Variants in FAM20B observed in about 807,000 individuals in gnomAD.
FAM20B encodes the protein FAM20B glycosaminoglycan xylosylkinase, also known as glycosaminoglycan xylosylkinase.
In FAM20B, 23 loss-of-function variants were observed where a neutral mutation model predicts 43.8. That is an observed-to-expected ratio of 0.53 (90% CI 0.38 to 0.74). The LOEUF (loss-of-function observed/expected upper bound fraction) is 0.74, where lower values mean the gene tolerates loss of function less well. Ranked by LOEUF, FAM20B falls within the 30% of genes least tolerant of loss-of-function variation. The pLI, the probability that FAM20B is intolerant of heterozygous loss-of-function variation, is 0.00. For synonymous variants in FAM20B, 178 were observed against 192.4 expected, an observed-to-expected ratio of 0.93 and a Z score of 0.62; for missense variants, 440 against 510.5, an observed-to-expected ratio of 0.86 and a Z score of 1.33.
At chr1:179,067,889 G>A (rs754000342) in intron 7 of FAM20B, among the ~76,000 whole-genome samples, 18 of 151,810 alleles carry the variant, frequency 1.2e-4, no homozygotes, top group Non-Finnish European at 2.5e-4. Context: ...TCAGCCTCCC[G>A]AGTAGCTGGG....
intron 4 of FAM20B, among the ~76,000 whole-genome samples, chr1:179,057,696 C>T (rs558629755): frequency 1.3e-5 from 2 of 152,240 alleles, no homozygotes; most frequent in South Asian, 4.1e-4. Flanking sequence ...TTATTCAGTA[C>T]GACTTTATTT....
chr1:179,065,158 T>C (rs1218160537), intron 6 of FAM20B, among the ~76,000 whole-genome samples: 2 of 151,832 alleles, frequency 1.3e-5, no homozygotes, highest in Non-Finnish European at 2.9e-5. Context: ...TTTTTTTTTT[T>C]AAGTTTTTTT....
chr1:179,050,453 GCAA>G, intron 3 of FAM20B, 88 bp downstream of exon 3: 1 of 849,400 alleles, frequency 1.2e-6, no homozygotes, highest in Non-Finnish European at 2.0e-6. Flanking sequence ...TCAGAAGGAT[GCAA>G]CACTAATAAA....
intron 2 of FAM20B, among the ~76,000 whole-genome samples, chr1:179,047,945 C>T (rs1650848613): frequency 6.6e-6 from 1 of 152,216 alleles, no homozygotes; most frequent in Admixed American, 6.5e-5. Context: ...CTGAAAGCCA[C>T]TTGTGGTTTT....
intron 1 of FAM20B, among the ~76,000 whole-genome samples, chr1:179,039,871 A>T (rs1650407932): frequency 6.6e-6 from 1 of 151,974 alleles, no homozygotes; most frequent in Non-Finnish European, 1.5e-5. Context: ...TAGGCAGAGG[A>T]CCCTGCGGCC....
chr1:179,064,158 T>C, intron 5 of FAM20B, 60 bp downstream of exon 5: 1 of 1,489,472 alleles, frequency 6.7e-7, no homozygotes, highest in Non-Finnish European at 9.2e-7. Flanking sequence ...GTGCCAACTC[T>C]GTAAAGGAGC....
At chr1:179,027,337 T>G (rs1383855047) in intron 1 of FAM20B, among the ~76,000 whole-genome samples, 2 of 152,162 alleles carry the variant, frequency 1.3e-5, no homozygotes, top group Non-Finnish European at 2.9e-5. Context: ...ATTCCTTGAG[T>G]TTATGCAGGA....
At chr1:179,028,336 C>T (rs1390227951) in intron 1 of FAM20B, among the ~76,000 whole-genome samples, 1 of 152,216 alleles carries the variant, frequency 6.6e-6, no homozygotes, top group East Asian at 1.9e-4. Context: ...GTAATCCCAG[C>T]ACTTTGGGAG....
At chr1:179,037,876 A>G (rs1349161579) in intron 1 of FAM20B, among the ~76,000 whole-genome samples, 1 of 152,194 alleles carries the variant, frequency 6.6e-6, no homozygotes, top group Non-Finnish European at 1.5e-5. Flanking sequence ...AGGCCGCTTC[A>G]AAAGGAGAAG....
chr1:179,054,511 T>G lies in FAM20B; in HGVS notation c.465-18T>G, dbSNP rs755155935. 6.5e-7 allele frequency: 1 copy of G among 1,535,534 alleles called. No individual in the cohort carries two copies. Among genetic ancestry groups the G allele is most frequent in the South Asian group, 1.1e-5 (1 of 89,158 alleles). On this transcript the variant is annotated intron_variant, in intron 3 of 7. Coordinates refer to ENST00000263733, the MANE Select transcript of FAM20B (RefSeq NM_014864.4). The stretch of plus-strand genomic sequence containing the variant: ...CCCCTAAGATTTTTCTCTTCTGTTC[T>G]TCAATCTTCCAAACCAGGATTCTGG...
chr1:179,030,647 C>T (rs1328813711), intron 1 of FAM20B, among the ~76,000 whole-genome samples: 1 of 152,124 alleles, frequency 6.6e-6, no homozygotes, highest in African/African-American at 2.4e-5. Flanking sequence ...GGACTTATTT[C>T]CCCCTGTCTC....
intron 7 of FAM20B, 54 bp from the exon 8 acceptor site, chr1:179,071,859 T>C: frequency 7.9e-7 from 1 of 1,266,612 alleles, no homozygotes; most frequent in Non-Finnish European, 1.1e-6. Context: ...GGCTTTCAAC[T>C]CCGTTTGATA....
chr1:179,020,670 CA>C, the FAM20B span, among the ~76,000 whole-genome samples: 1 of 152,312 alleles, frequency 6.6e-6, no homozygotes, highest in East Asian at 1.9e-4. Context: ...GCCTTGGTTG[CA>C]AATTAGAATA....
intron 6 of FAM20B, among the ~76,000 whole-genome samples, chr1:179,065,069 G>A (rs1651633112): frequency 6.6e-6 from 1 of 151,202 alleles, no homozygotes. Context: ...TATTTTTTTA[G>A]GCCTGAGCTA....
At chr1:179,025,222 A>T (rs1308451929), upstream of FAM20B, among the ~76,000 whole-genome samples, 2 of 152,234 alleles carry the variant, frequency 1.3e-5, no homozygotes. Context: ...CCCAGGAGCG[A>T]CTGACCTGCC....
At chr1:179,047,369 C>T (rs1235855189) in intron 2 of FAM20B, among the ~76,000 whole-genome samples, 5 of 152,192 alleles carry the variant, frequency 3.3e-5, no homozygotes, top group Admixed American at 1.3e-4. Context: ...TTTAAAACAT[C>T]CAGGGACTTC....
chr1:179,026,758 C>T (rs1315016084), intron 1 of FAM20B, among the ~76,000 whole-genome samples: 1 of 152,220 alleles, frequency 6.6e-6, no homozygotes, highest in African/African-American at 2.4e-5. Context: ...TGTGACGGCC[C>T]CGCGATTAAG....
At chr1:179,052,774 C>T (rs1651058609) in intron 3 of FAM20B, among the ~76,000 whole-genome samples, 1 of 152,166 alleles carries the variant, frequency 6.6e-6, no homozygotes, top group Non-Finnish European at 1.5e-5. Context: ...TCCTTCTCCT[C>T]ACTTAATGGC....
intron 4 of FAM20B, among the ~76,000 whole-genome samples, chr1:179,060,021 G>A (rs950820945): frequency 2.7e-5 from 4 of 150,698 alleles, no homozygotes; most frequent in African/African-American, 9.7e-5. Flanking sequence ...TTTCTCGTCT[G>A]TCTAGTTCCT....
Sources: gnomAD v4.1 joint callset for allele counts (sites outside exome capture counted in the v4.1 genomes callset) on GRCh38, gnomAD v4.1.1 for gene constraint, MANE v1.5 for transcripts, NCBI Gene and HGNC (gene_info 2026-07-23, HGNC 2026-07-21) for gene names.